KCNQ5: variants seen among roughly 807,000 people sequenced by gnomAD.
The protein encoded by KCNQ5 is potassium voltage-gated channel subfamily KQT member 5.
Under a neutral mutation model 98.2 loss-of-function variants are expected in KCNQ5, and 30 were observed. That is an observed-to-expected ratio of 0.31 (90% CI 0.23 to 0.41). KCNQ5 has a LOEUF of 0.41. Ranked by LOEUF, KCNQ5 falls within the 10% of genes least tolerant of loss-of-function variation. The pLI is 1.00. For missense variants in KCNQ5, 835 were observed against 1,182.5 expected (o/e 0.71, Z 4.31); for synonymous variants, 458 against 449.4 (o/e 1.02, Z -0.24).
intron 1 of KCNQ5, among the ~76,000 whole-genome samples, chr6:72,779,696 G>A (rs1214413985): frequency 6.6e-6 from 1 of 152,120 alleles, no homozygotes; most frequent in African/African-American, 2.4e-5. Context: ...CCAGGCTGGA[G>A]TGCAGTGGCA....
intron 3 of KCNQ5, among the ~76,000 whole-genome samples, chr6:73,063,698 A>AGATAGATAGATAGATAGATAGAT (rs1440285409): frequency 8.5e-6 from 1 of 117,528 alleles, no homozygotes; most frequent in Non-Finnish European, 1.8e-5. Context: ...ATAGATAGAT[A>AGATAGATAGATAGATAGATAGAT]GATAGATAGA....
chr6:72,698,761 C>T (rs1768648619), intron 1 of KCNQ5, among the ~76,000 whole-genome samples: 1 of 147,670 alleles, frequency 6.8e-6, no homozygotes, highest in Non-Finnish European at 1.5e-5. Flanking sequence ...CTCAGGCAAT[C>T]CTCCTGTCTC....
chr6:73,032,097 A>G (rs1201385291), intron 2 of KCNQ5, among the ~76,000 whole-genome samples: 2 of 152,238 alleles, frequency 1.3e-5, no homozygotes, highest in Admixed American at 6.5e-5. Flanking sequence ...CCAATATGAG[A>G]AGATAAGATC....
At chr6:72,906,355 C>A (rs1314785714) in intron 1 of KCNQ5, among the ~76,000 whole-genome samples, 1 of 152,238 alleles carries the variant, frequency 6.6e-6, no homozygotes, top group East Asian at 1.9e-4. Flanking sequence ...GACATTAGTT[C>A]TTCCCCTGCC....
intron 2 of KCNQ5, among the ~76,000 whole-genome samples, chr6:73,040,743 T>C (rs907312450): frequency 6.6e-6 from 1 of 152,182 alleles, no homozygotes. Flanking sequence ...TAGAATGATA[T>C]AGCTCTACTA....
intron 1 of KCNQ5, among the ~76,000 whole-genome samples, chr6:72,705,199 C>T (rs1182584521): frequency 6.6e-6 from 1 of 152,184 alleles, no homozygotes; most frequent in Non-Finnish European, 1.5e-5. Flanking sequence ...TACTAAATAA[C>T]TGCTTATTCA....
At chr6:72,958,773 T>G (rs1017044767) in intron 1 of KCNQ5, among the ~76,000 whole-genome samples, 3 of 152,188 alleles carry the variant, frequency 2.0e-5, no homozygotes, top group Non-Finnish European at 4.4e-5. Flanking sequence ...AATGGAAACA[T>G]AATTTCTTAC....
At chr6:73,190,896 A>G (rs1459882982) in intron 12 of KCNQ5, among the ~76,000 whole-genome samples, 192 bp downstream of exon 12, 1 of 152,234 alleles carries the variant, frequency 6.6e-6, no homozygotes, top group Non-Finnish European at 1.5e-5. Flanking sequence ...CAAAGCATCC[A>G]ACTGTCTCAT....
At chr6:72,768,929 C>G (rs541201488) in intron 1 of KCNQ5, among the ~76,000 whole-genome samples, 1 of 152,094 alleles carries the variant, frequency 6.6e-6, no homozygotes, top group Admixed American at 6.6e-5. Context: ...TTGGAGCTAT[C>G]TGTAAGGCTT....
intron 1 of KCNQ5, among the ~76,000 whole-genome samples, chr6:72,717,215 C>T (rs753999538): frequency 6.6e-6 from 1 of 152,132 alleles, no homozygotes; most frequent in Non-Finnish European, 1.5e-5. Context: ...CTTCTTTCAC[C>T]CATGTTGTAA....
intron 1 of KCNQ5, among the ~76,000 whole-genome samples, chr6:72,726,207 AAT>A (rs1491469742): frequency 4.1e-5 from 6 of 147,292 alleles, no homozygotes; most frequent in Non-Finnish European, 8.9e-5. Context: ...TTTAAATTTA[AAT>A]TTTTTTTTTT....
intron 3 of KCNQ5, among the ~76,000 whole-genome samples, chr6:73,046,353 A>G (rs1447518150): frequency 6.6e-6 from 1 of 152,124 alleles, no homozygotes; most frequent in Non-Finnish European, 1.5e-5. Flanking sequence ...TAAGTGTTCA[A>G]ACTCCCTCAG....
At chr6:73,154,853 G>A (rs959861488) in intron 10 of KCNQ5, among the ~76,000 whole-genome samples, 4 of 151,748 alleles carry the variant, frequency 2.6e-5, no homozygotes, top group Non-Finnish European at 5.9e-5. Flanking sequence ...TTTCACAGTA[G>A]GATTTTGAAG....
intron 1 of KCNQ5, among the ~76,000 whole-genome samples, chr6:72,781,300 A>T (rs1228741694): frequency 6.6e-6 from 1 of 152,130 alleles, no homozygotes; most frequent in Admixed American, 6.5e-5. Flanking sequence ...TTGTCCCTAG[A>T]GTCTTCATAG....
At chr6:73,132,398 A>G (rs1472349993) in intron 9 of KCNQ5, among the ~76,000 whole-genome samples, 5 of 152,122 alleles carry the variant, frequency 3.3e-5, no homozygotes, top group Admixed American at 3.3e-4. Flanking sequence ...AAAGGAAACA[A>G]GAAAAAAAAA....
chr6:73,001,904 G>C (rs1769586034), intron 1 of KCNQ5, among the ~76,000 whole-genome samples: 1 of 152,104 alleles, frequency 6.6e-6, no homozygotes, highest in African/African-American at 2.4e-5. Flanking sequence ...AGGATCCCTT[G>C]AGGCCAGGAG....
chr6:73,055,097 A>T (rs1218676975), intron 3 of KCNQ5: 2 of 728,436 alleles, frequency 2.7e-6, no homozygotes, highest in Non-Finnish European at 5.2e-6. Context: ...GCCTGCCACC[A>T]TGGCCACCTA....
chr6:72,679,148 A>G (rs1400763514), intron 1 of KCNQ5, among the ~76,000 whole-genome samples: 2 of 152,214 alleles, frequency 1.3e-5, no homozygotes, highest in Non-Finnish European at 2.9e-5. Context: ...TTTTCTAGGT[A>G]GAAAATTGAA....
intron 5 of KCNQ5, among the ~76,000 whole-genome samples, chr6:73,083,848 T>G (rs557932721): frequency 2.0e-4 from 30 of 152,382 alleles, no homozygotes; most frequent in African/African-American, 7.2e-4. Context: ...TTTATGGTTC[T>G]ACTAATTCCC....
Sources: gnomAD v4.1 joint callset for allele counts (sites outside exome capture counted in the v4.1 genomes callset) on GRCh38, gnomAD v4.1.1 for gene constraint, MANE v1.5 for transcripts, NCBI Gene and HGNC (gene_info 2026-07-23, HGNC 2026-07-21) for gene names.